MAVS: variants seen among roughly 807,000 people sequenced by gnomAD.
The protein encoded by MAVS is mitochondrial antiviral signaling protein, also known as mitochondrial antiviral-signaling protein.
A neutral mutation model predicts 30.2 loss-of-function variants in MAVS; 20 were observed. The ratio of observed to expected loss-of-function variants is 0.66; its 90% CI spans 0.47 to 0.96. The LOEUF is 0.96. Among genes scored for constraint, MAVS ranks in the 40% least tolerant of loss-of-function variants. MAVS has a pLI of 0.00. For synonymous variants in MAVS, 278 were observed against 293.9 expected (o/e 0.95, Z 0.55); for missense variants, 624 against 701.1 (o/e 0.89, Z 1.24).
At chr20:3,864,143 T>A in intron 5 of MAVS, 113 bp from the exon 6 acceptor site, 1 of 1,202,540 alleles carries the variant, frequency 8.3e-7, no homozygotes, top group African/African-American at 1.5e-5. Flanking sequence ...GCAGGAGATT[T>A]GGAGGCCTAG....
At position 3,867,461 on chromosome 20, in the gene MAVS, G is replaced by C. The variant is rs1226844430; in HGVS notation, c.*1314G>C. ...AAAGTTTAAAAAATTAGCCAGGCGT[G>C]GTGGTGCACCTGTCGTCTTAGCTAC... is the stretch of plus-strand genomic sequence containing the variant. On this transcript the variant is annotated 3_prime_UTR_variant, in exon 7 of 7. Coordinates refer to ENST00000428216, the MANE Select transcript of MAVS (RefSeq NM_020746.5). 1 of 181,192 alleles carries C rather than the reference G, an allele frequency of 5.5e-6. No individual in the cohort carries two copies. Among genetic ancestry groups the C allele is most frequent in the Non-Finnish European group, 1.2e-5 (1 of 84,804 alleles). The allele number at this position is 181,192 out of a possible 1,614,324, so 11.2% of individuals were successfully genotyped here.
At chr20:3,863,835 G>T (rs1659095099) in intron 5 of MAVS, among the ~76,000 whole-genome samples, 3 of 152,136 alleles carry the variant, frequency 2.0e-5, no homozygotes, top group Admixed American at 6.6e-5. Context: ...GCCACCCCTT[G>T]CCCTGATCCA....
intron 3 of MAVS, among the ~76,000 whole-genome samples, chr20:3,859,122 C>T (rs2089839385): frequency 7.8e-6 from 1 of 128,824 alleles, no homozygotes; most frequent in Admixed American, 7.1e-5. Context: ...TTTTCCCTTC[C>T]TTGCTTTTCC....
chr20:3,855,860 C>G (rs926276193), intron 2 of MAVS, among the ~76,000 whole-genome samples: 13 of 151,616 alleles, frequency 8.6e-5, no homozygotes, highest in Non-Finnish European at 1.9e-4. Context: ...CTCACTGCAA[C>G]CTCTGCCTCC....
intron 1 of MAVS, among the ~76,000 whole-genome samples, chr20:3,853,878 C>A (rs1340523995): frequency 1.3e-5 from 2 of 152,126 alleles, no homozygotes; most frequent in South Asian, 2.1e-4. Flanking sequence ...AACCTCTGCC[C>A]CCAGGTTCAA....
At chr20:3,850,878 T>A (rs910995183) in intron 1 of MAVS, among the ~76,000 whole-genome samples, 1 of 107,870 alleles carries the variant, frequency 9.3e-6, no homozygotes, top group Non-Finnish European at 1.8e-5. Flanking sequence ...AGAGCGAAAC[T>A]CCGTCTCAAA....
chr20:3,849,705 C>T (rs2089741615), intron 1 of MAVS, among the ~76,000 whole-genome samples: 1 of 152,194 alleles, frequency 6.6e-6, no homozygotes, highest in Non-Finnish European at 1.5e-5. Flanking sequence ...AAGTAGCATG[C>T]CTGTCTCCAG....
intron 3 of MAVS, chr20:3,858,074 G>C (rs1012716211): frequency 3.9e-6 from 2 of 518,838 alleles, no homozygotes; most frequent in Non-Finnish European, 7.1e-6. Context: ...GCTGCAGTGG[G>C]TGATACTGCG....
chr20:3,857,824 C>G lies in MAVS; in HGVS notation c.292+15C>G, dbSNP rs757547394. ...CTACCAGCCTCGTGAGCGTCCTGCC[C>G]TTGCCCTCCTGGACCCCCAGCCTGC... On this transcript the variant is annotated intron_variant, in intron 3 of 6. Transcript: ENST00000428216. The G allele has an allele frequency of 3.1e-6, 5 of 1,614,056 alleles. No homozygotes were observed. The East Asian group carries it at 8.9e-5, about 29-fold the overall frequency.
intron 1 of MAVS, among the ~76,000 whole-genome samples, chr20:3,849,869 A>C (rs2089742922): frequency 6.6e-6 from 1 of 152,222 alleles, no homozygotes; most frequent in South Asian, 2.1e-4. Context: ...TATTCCCTGC[A>C]GCACTCCCTG....
chr20:3,859,508 CA>C (rs796640067), intron 3 of MAVS, among the ~76,000 whole-genome samples: 32 of 131,000 alleles, frequency 2.4e-4, no homozygotes, highest in East Asian at 1.2e-3. Context: ...ACTCCGTCTC[CA>C]AAAAAAAAAA....
intron 3 of MAVS, among the ~76,000 whole-genome samples, chr20:3,860,077 A>G (rs1332180102): frequency 6.6e-6 from 1 of 152,112 alleles, no homozygotes; most frequent in South Asian, 2.1e-4. Context: ...TCGGCCTCCC[A>G]AAGTGCTGGG....
In MAVS at chr20:3,852,891, G is replaced by A. The variant is rs1249863273; in HGVS notation, c.-67-1667G>A. Among the ~76,000 whole-genome samples, 4 of 146,772 alleles carry A rather than the reference G, an allele frequency of 2.7e-5. No individual in the cohort carries two copies. The East Asian group carries it at 8.2e-4, about 30-fold the overall frequency. The stretch of plus-strand genomic sequence containing the variant: ...GTCTCACTCTGCCGCCCAGGCTGGA[G>A]TGCAGTGGCGTGATCTCGGCTCACT... On this transcript the variant is annotated intron_variant, in intron 1 of 6. Transcript: ENST00000428216.
chr20:3,862,613 T>A (rs1205526716), intron 5 of MAVS, among the ~76,000 whole-genome samples, 200 bp downstream of exon 5: 1 of 116,734 alleles, frequency 8.6e-6, no homozygotes, highest in Non-Finnish European at 2.1e-5. Context: ...GTTTTCCAAA[T>A]TTTTTTTTTA....
chr20:3,873,992 C>T lies in MAVS; in HGVS notation c.*7845C>T, dbSNP rs6076564. On this transcript the variant is annotated 3_prime_UTR_variant, in exon 7 of 7. Transcript: ENST00000428216. The stretch of plus-strand genomic sequence containing the variant: ...CCACACGCTGACTGTAGCCCCAAAC[C>T]TGAAACAACCCAAATGTCCATCCAC... The T allele has an allele frequency of 1.7e-4, 67 of 397,108 alleles. No individual in the cohort carries two copies. The highest frequency in any genetic ancestry group is 1.3e-3 in the African/African-American group (65 of 48,516). 24.6% of individuals were successfully genotyped at this position (397,108 alleles called of 1,614,324 possible).
Position 3,854,639 on chromosome 20 carries a change from A to G in MAVS, c.15A>G (p.Glu5=). 6.2e-7 allele frequency: 1 copy of G among 1,613,610 alleles called. No homozygotes were observed. The highest frequency in any genetic ancestry group is 8.5e-7 in the Non-Finnish European group (1 of 1,179,714). MPFA[E]DKTYKYICRN... ...TCTGAGCAGCAATGCCGTTTGCTGA[A>G]GACAAGACCTATAAGTATATCTGCC... Residue 5 remains glutamate, a synonymous_variant, in exon 2 of 7, where the codon GAA becomes GAG. Transcript: ENST00000428216.
intron 3 of MAVS, among the ~76,000 whole-genome samples, chr20:3,860,986 C>CTT (rs112042729): frequency 2.1e-5 from 3 of 142,324 alleles, no homozygotes; most frequent in African/African-American, 7.8e-5. Flanking sequence ...CTGATTCCTT[C>CTT]TTTTTTTTTC....
rs201260999 is a variant in MAVS, at chr20:3,854,765, G to A, written c.117+24G>A. 1.6e-5 allele frequency: 24 copies of A among 1,534,292 alleles called. No homozygotes were observed. The African/African-American group carries it at 2.3e-4, about 15-fold the overall frequency. ...AGGTGAGCAAGGGAAGTGACAGCCC[G>A]ACACTGGCCTGGGGGCAGGGCTGTG... On this transcript the variant is annotated intron_variant, in intron 2 of 6. Coordinates refer to ENST00000428216, the MANE Select transcript of MAVS (RefSeq NM_020746.5).
chr20:3,860,605 C>A (rs903144072), intron 3 of MAVS, among the ~76,000 whole-genome samples: 1 of 151,576 alleles, frequency 6.6e-6, no homozygotes, highest in Non-Finnish European at 1.5e-5. Flanking sequence ...GAACTCACGA[C>A]CTCAGGTGAT....
Sources: gnomAD v4.1 joint callset for allele counts (sites outside exome capture counted in the v4.1 genomes callset) on GRCh38, gnomAD v4.1.1 for gene constraint, MANE v1.5 for transcripts, NCBI Gene and HGNC (gene_info 2026-07-23, HGNC 2026-07-21) for gene names.